CA1: variants seen among roughly 807,000 people sequenced by gnomAD.
CA1 encodes carbonic anhydrase 1, also known as carbonate dehydratase I.
Under a neutral mutation model 28.8 loss-of-function variants are expected in CA1, and 27 were observed. The observed-to-expected ratio is 0.94, with a 90% CI of 0.69 to 1.29. CA1 has a LOEUF of 1.29. Among genes scored for constraint, CA1 ranks in the 50% most tolerant of loss-of-function variants. CA1 has a pLI of 0.00. For missense variants in CA1, 335 were observed against 310.5 expected (o/e 1.08, Z -0.59); for synonymous variants, 121 against 108.8 (o/e 1.11, Z -0.70).
intron 1 of CA1, among the ~76,000 whole-genome samples, chr8:85,362,517 G>A (rs895583673): frequency 2.2e-4 from 33 of 152,228 alleles, no homozygotes; most frequent in African/African-American, 6.5e-4. Flanking sequence ...AATAAAAGAT[G>A]ATTTTTGGCC....
intron 1 of CA1, among the ~76,000 whole-genome samples, chr8:85,367,256 A>G (rs1810043286): frequency 6.6e-6 from 1 of 152,140 alleles, no homozygotes; most frequent in Admixed American, 6.5e-5. Flanking sequence ...CAATATAGCT[A>G]TTGTGCCCCC....
intron 1 of CA1, among the ~76,000 whole-genome samples, chr8:85,377,802 C>CAAAA (rs1253880823): frequency 7.5e-6 from 1 of 133,568 alleles, no homozygotes. Context: ...GACTCTGTCT[C>CAAAA]AAAAAAAAAA....
chr8:85,351,851 G>A (rs1029700619), intron 1 of CA1: 3 of 152,204 alleles, frequency 2.0e-5, no homozygotes, highest in Non-Finnish European at 2.9e-5. Flanking sequence ...TGCAAAGGTC[G>A]ATGATTAAAT....
chr8:85,328,707 A>G (rs2130107702), intron 7 of CA1, 31 bp from the exon 8 acceptor site: 2 of 1,383,636 alleles, frequency 1.4e-6, no homozygotes, highest in Admixed American at 1.7e-5. Context: ...AAAAATAAAA[A>G]GTTTTTAAAG....
chr8:85,350,754 G>C (rs1809376801), intron 1 of CA1, among the ~76,000 whole-genome samples: 1 of 152,140 alleles, frequency 6.6e-6, no homozygotes, highest in Non-Finnish European at 1.5e-5. Context: ...GTCCAAAGGA[G>C]TTCTTATGGG....
intron 1 of CA1, among the ~76,000 whole-genome samples, chr8:85,364,967 G>A (rs537593756): frequency 4.6e-5 from 7 of 151,998 alleles, no homozygotes; most frequent in South Asian, 2.1e-4. Context: ...AACAGCTGCC[G>A]CTTGGCTCTG....
At chr8:85,332,236 A>G (rs569724733) in intron 6 of CA1, 3 of 372,060 alleles carry the variant, frequency 8.1e-6, no homozygotes, top group African/African-American at 2.1e-5. Context: ...TTAAATGGCT[A>G]TGTAATCTGG....
In CA1 at chr8:85,378,096, C is replaced by T. The variant is rs1314720411; in HGVS notation, c.-75G>A. 6.6e-6 allele frequency: 1 copy of T among 152,172 alleles called. No individual in the cohort carries two copies. Among genetic ancestry groups the T allele is most frequent in the Non-Finnish European group, 1.5e-5 (1 of 68,056 alleles). The allele number at this position is 152,172 out of a possible 1,614,324, so 9.4% of individuals were successfully genotyped here. On this transcript the variant is annotated 5_prime_UTR_variant, in exon 1 of 8. Transcript: ENST00000523022. Reference sequence around the variant, plus strand: ...CAGAGGACCACGCAGGGGGTTGCACCTGAGGACTGGGTACCACAGGCTGGA... The same window carrying T: ...CAGAGGACCACGCAGGGGGTTGCACTTGAGGACTGGGTACCACAGGCTGGA...
At chr8:85,366,116 A>G (rs1474626548) in intron 1 of CA1, among the ~76,000 whole-genome samples, 2 of 151,866 alleles carry the variant, frequency 1.3e-5, no homozygotes, top group Non-Finnish European at 2.9e-5. Context: ...AACTATTGTT[A>G]ATCCACACAG....
chr8:85,331,941 C>T (rs3808540), intron 6 of CA1, among the ~76,000 whole-genome samples: 119,947 of 152,128 alleles, frequency 0.79, 48,194 homozygotes, highest in African/African-American at 0.94. Context: ...AAATCAGATT[C>T]ATTTTACACA....
chr8:85,328,838 C>A (rs62512497), intron 7 of CA1, among the ~76,000 whole-genome samples, 162 bp from the exon 8 acceptor site: 19,609 of 152,080 alleles, frequency 0.13, 1,533 homozygotes, highest in Non-Finnish European at 0.18. Flanking sequence ...ACATTCATTT[C>A]TTTGAACCAG....
At position 85,329,791 on chromosome 8, in the gene CA1, G is replaced by A. The variant is rs1389517831; in HGVS notation, c.567C>T (p.Ser189=). ...NFDPSTLLPS[S]LDFWTYPGSL... The stretch of plus-strand genomic sequence containing the variant: ...AGCCAGGGTAGGTCCAGAAATCCAG[G>A]GATGAAGGAAGGAGAGTAGAGGGGT... The change falls in exon 7 of 8, where the codon TCC becomes TCT. Residue 189 remains serine, a synonymous_variant. Coordinates refer to ENST00000523022, the MANE Select transcript of CA1 (RefSeq NM_001128831.4). 2.5e-6 allele frequency: 4 copies of A among 1,603,764 alleles called. No individual in the cohort carries two copies. In the South Asian group the frequency reaches 4.5e-5, roughly 18 times the overall value.
chr8:85,345,658 T>A (rs1809149343), intron 1 of CA1, among the ~76,000 whole-genome samples: 1 of 152,214 alleles, frequency 6.6e-6, no homozygotes, highest in South Asian at 2.1e-4. Context: ...TATCAGGGAC[T>A]ATGCTTACCC....
chr8:85,329,677 T>C lies in CA1; in HGVS notation c.669+12A>G, dbSNP rs546658194. 1.2e-6 allele frequency: 2 copies of C among 1,607,602 alleles called. No homozygotes were observed. Among genetic ancestry groups the C allele is most frequent in the South Asian group, 2.2e-5 (2 of 90,358 alleles). On this transcript the variant is annotated intron_variant, in intron 7 of 7. Coordinates refer to ENST00000523022, the MANE Select transcript of CA1 (RefSeq NM_001128831.4). ...CTACGCATTCCCAGTTCCCATTCAT[T>C]CACAACTCTACCTGCTCTGAGCTGA...
intron 1 of CA1, among the ~76,000 whole-genome samples, chr8:85,347,203 A>G (rs543073058): frequency 1.3e-4 from 20 of 152,328 alleles, no homozygotes; most frequent in African/African-American, 4.8e-4. Flanking sequence ...TCTTTTCTTA[A>G]TCCAGTGGTT....
intron 2 of CA1, among the ~76,000 whole-genome samples, chr8:85,339,322 T>C (rs1233411574): frequency 1.3e-5 from 2 of 152,222 alleles, no homozygotes; most frequent in Admixed American, 1.3e-4. Context: ...AACTTTTTAA[T>C]TGTTCATATA....
At chr8:85,375,163 CT>C (rs1810363852) in intron 1 of CA1, among the ~76,000 whole-genome samples, 1 of 152,168 alleles carries the variant, frequency 6.6e-6, no homozygotes, top group African/African-American at 2.4e-5. Context: ...ATTGCCACCT[CT>C]GCCTAAGTCT....
At chr8:85,349,200 A>C (rs1477156137) in intron 1 of CA1, among the ~76,000 whole-genome samples, 1 of 152,158 alleles carries the variant, frequency 6.6e-6, no homozygotes, top group African/African-American at 2.4e-5. Flanking sequence ...AGACCATTTT[A>C]CTCCTGTACT....
At chr8:85,357,478 G>A (rs1319277080) in intron 1 of CA1, among the ~76,000 whole-genome samples, 1 of 152,152 alleles carries the variant, frequency 6.6e-6, no homozygotes, top group Non-Finnish European at 1.5e-5. Context: ...GATAATATAG[G>A]CCAGGTGTCT....
Sources: gnomAD v4.1 joint callset for allele counts (sites outside exome capture counted in the v4.1 genomes callset) on GRCh38, gnomAD v4.1.1 for gene constraint, MANE v1.5 for transcripts, NCBI Gene and HGNC (gene_info 2026-07-23, HGNC 2026-07-21) for gene names.